Variants in MEF2C observed in about 807,000 individuals in gnomAD.
MEF2C encodes the protein myocyte-specific enhancer factor 2C.
In MEF2C, 6 loss-of-function variants were observed where a neutral mutation model predicts 50.5. The ratio of observed to expected loss-of-function variants is 0.12; its 90% CI spans 0.07 to 0.23. The LOEUF is 0.23. Ranked by LOEUF, MEF2C falls within the 10% of genes least tolerant of loss-of-function variation. The probability of loss-of-function intolerance (pLI) is 1.00; values close to 1 mark genes in which losing one functional copy is unlikely to be tolerated. For missense variants in MEF2C, 276 were observed against 605.0 expected (o/e 0.46, Z 5.70); for synonymous variants, 183 against 228.0 (o/e 0.80, Z 1.78).
At chr5:88,843,364 C>T (rs992911845) in intron 1 of MEF2C, 6 of 985,034 alleles carry the variant, frequency 6.1e-6, no homozygotes, top group Middle Eastern at 1.0e-3. Flanking sequence ...AAAAAAAACC[C>T]TCAAAGGTGA....
chr5:88,838,711 C>T, intron 1 of MEF2C: 2 of 985,322 alleles, frequency 2.0e-6, no homozygotes, highest in Non-Finnish European at 2.4e-6. Context: ...TCCTTACCCT[C>T]CTCCCCTTGC....
chr5:88,813,701 A>T (rs1179979267), intron 2 of MEF2C, among the ~76,000 whole-genome samples: 1 of 152,126 alleles, frequency 6.6e-6, no homozygotes, highest in Non-Finnish European at 1.5e-5. Context: ...CACCAAACAC[A>T]ATATTTTTAG....
intron 10 of MEF2C, among the ~76,000 whole-genome samples, chr5:88,726,894 CA>C (rs914419929): frequency 6.6e-6 from 1 of 150,774 alleles, no homozygotes; most frequent in African/African-American, 2.4e-5. Flanking sequence ...CTATTGAAAA[CA>C]AAAAAAAGCC....
intron 1 of MEF2C, among the ~76,000 whole-genome samples, chr5:88,848,878 C>T (rs567496336): frequency 3.3e-4 from 50 of 152,142 alleles, no homozygotes; most frequent in African/African-American, 1.2e-3. Context: ...GTGAGCCAGG[C>T]GTGGTGGCTA....
intron 2 of MEF2C, among the ~76,000 whole-genome samples, chr5:88,822,162 C>CA (rs1344284324): frequency 6.6e-6 from 1 of 151,850 alleles, no homozygotes; most frequent in Non-Finnish European, 1.5e-5. Context: ...ACTTTGCAAG[C>CA]AAAAGAAGAT....
chr5:88,785,987 C>A (rs1214071324), intron 3 of MEF2C, among the ~76,000 whole-genome samples: 1 of 152,166 alleles, frequency 6.6e-6, no homozygotes, highest in Admixed American at 6.5e-5. Context: ...GATTACTCAG[C>A]CTTCTATTCC....
At chr5:88,844,999 T>A (rs981144586) in intron 1 of MEF2C, among the ~76,000 whole-genome samples, 2 of 152,240 alleles carry the variant, frequency 1.3e-5, no homozygotes, top group Admixed American at 6.5e-5. Flanking sequence ...TTAAGAGTTC[T>A]GTGTATGAAA....
intron 7 of MEF2C, among the ~76,000 whole-genome samples, chr5:88,731,112 A>G (rs1382753522): frequency 6.6e-6 from 1 of 152,108 alleles, no homozygotes; most frequent in Non-Finnish European, 1.5e-5. Flanking sequence ...TTCTTTTTTG[A>G]TGTAAAATAT....
chr5:88,789,574 A>G (rs919904425), intron 3 of MEF2C, among the ~76,000 whole-genome samples: 12 of 152,196 alleles, frequency 7.9e-5, no homozygotes, highest in African/African-American at 2.9e-4. Context: ...ATAGTTATTC[A>G]GTTTATTTAC....
At chr5:88,727,187 C>T (rs1759222158) in intron 10 of MEF2C, among the ~76,000 whole-genome samples, 1 of 152,022 alleles carries the variant, frequency 6.6e-6, no homozygotes, top group Non-Finnish European at 1.5e-5. Flanking sequence ...AGTTAACATT[C>T]CAGAGAAAAT....
intron 1 of MEF2C, among the ~76,000 whole-genome samples, chr5:88,900,387 A>G (rs1835526040): frequency 6.6e-6 from 1 of 151,624 alleles, no homozygotes. Context: ...TATATTTTGT[A>G]TTTTTAATTA....
At chr5:88,761,060 G>T in intron 4 of MEF2C, 125 bp downstream of exon 4, 9 of 1,613,778 alleles carry the variant, frequency 5.6e-6, no homozygotes, top group Non-Finnish European at 6.8e-6. Flanking sequence ...CAGTGCGTGG[G>T]GTGAGTGCAT....
At chr5:88,823,983 A>C (rs762653172) in intron 1 of MEF2C, 53 bp from the exon 2 acceptor site, 6 of 1,344,230 alleles carry the variant, frequency 4.5e-6, no homozygotes, top group Non-Finnish European at 5.8e-6. Flanking sequence ...CAGTTTCATA[A>C]GAACTATCAT....
intron 6 of MEF2C, chr5:88,739,334 C>T (rs540827571): frequency 8.1e-6 from 8 of 984,066 alleles, no homozygotes; most frequent in Non-Finnish European, 9.6e-6. Flanking sequence ...ATGTTTTACT[C>T]ACTTTAAAAA....
At chr5:88,794,843 T>C (rs1795318285) in intron 3 of MEF2C, among the ~76,000 whole-genome samples, 1 of 152,174 alleles carries the variant, frequency 6.6e-6, no homozygotes, top group South Asian at 2.1e-4. Flanking sequence ...AGGGGTCCAG[T>C]TTCAGCTTTT....
chr5:88,734,047 AGAGT>A, intron 6 of MEF2C: 1 of 984,888 alleles, frequency 1.0e-6, no homozygotes, highest in Non-Finnish European at 1.2e-6. Flanking sequence ...CAAACAAAAG[AGAGT>A]ATGTTCACTT....
At chr5:88,796,260 A>G (rs917465859) in intron 3 of MEF2C, among the ~76,000 whole-genome samples, 2 of 152,126 alleles carry the variant, frequency 1.3e-5, no homozygotes, top group Admixed American at 6.5e-5. Context: ...CTATGAATCC[A>G]TCTGGTCCTG....
intron 1 of MEF2C, among the ~76,000 whole-genome samples, chr5:88,878,507 C>G (rs926139556): frequency 1.2e-4 from 18 of 152,046 alleles, no homozygotes; most frequent in African/African-American, 4.1e-4. Context: ...TTGGCACCCA[C>G]TAACTTCTAC....
intron 2 of MEF2C, among the ~76,000 whole-genome samples, chr5:88,822,167 G>A (rs1274973467): frequency 2.6e-5 from 4 of 151,866 alleles, no homozygotes; most frequent in African/African-American, 7.2e-5. Flanking sequence ...GCAAGCAAAA[G>A]AAGATATAAT....
Sources: gnomAD v4.1 joint callset for allele counts (sites outside exome capture counted in the v4.1 genomes callset) on GRCh38, gnomAD v4.1.1 for gene constraint, MANE v1.5 for transcripts, NCBI Gene and HGNC (gene_info 2026-07-23, HGNC 2026-07-21) for gene names.